The following RNF150 variants were observed in gnomAD, a reference collection of about 807,000 sequenced individuals.
The protein encoded by RNF150 is ring finger protein 150.
RNF150 carries 24 observed loss-of-function variants against 39.3 expected under a neutral mutation model. The ratio of observed to expected loss-of-function variants is 0.61; its 90% CI spans 0.44 to 0.86. The LOEUF (loss-of-function observed/expected upper bound fraction) is 0.86, where lower values mean the gene tolerates loss of function less well. Among genes scored for constraint, RNF150 ranks in the 40% least tolerant of loss-of-function variants. The probability of loss-of-function intolerance (pLI) is 0.00; values close to 1 mark genes in which losing one functional copy is unlikely to be tolerated. For missense variants in RNF150, 502 were observed against 587.8 expected (o/e 0.85, Z 1.51); for synonymous variants, 255 against 227.3 (o/e 1.12, Z -1.10).
chr4:141,181,135 A>G (rs1257036465), intron 1 of RNF150, among the ~76,000 whole-genome samples: 1 of 152,188 alleles, frequency 6.6e-6, no homozygotes, highest in Non-Finnish European at 1.5e-5. Context: ...TCATCAACTC[A>G]TAGCACATAA....
chr4:141,104,736 G>T (rs531747465), intron 1 of RNF150, among the ~76,000 whole-genome samples: 2 of 152,300 alleles, frequency 1.3e-5, no homozygotes, highest in African/African-American at 4.8e-5. Context: ...AAATGTATTT[G>T]CAATGGCATA....
intron 4 of RNF150, among the ~76,000 whole-genome samples, chr4:140,942,942 G>A (rs1374571186): frequency 6.6e-6 from 1 of 152,142 alleles, no homozygotes; most frequent in Non-Finnish European, 1.5e-5. Flanking sequence ...ATCAAACTAA[G>A]CATTTAAAGA....
intron 1 of RNF150, among the ~76,000 whole-genome samples, chr4:141,193,159 A>C (rs757162725): frequency 1.2e-4 from 18 of 152,254 alleles, no homozygotes; most frequent in Non-Finnish European, 2.2e-4. Context: ...AATGTAATGT[A>C]AGCTGTAAGG....
intron 1 of RNF150, among the ~76,000 whole-genome samples, chr4:141,196,012 A>C (rs944039605): frequency 6.6e-6 from 1 of 152,198 alleles, no homozygotes; most frequent in African/African-American, 2.4e-5. Context: ...CAAAATCCAA[A>C]GTGCTCCTTC....
intron 5 of RNF150, among the ~76,000 whole-genome samples, chr4:140,913,508 C>A (rs571276811): frequency 6.6e-6 from 1 of 152,272 alleles, no homozygotes; most frequent in South Asian, 2.1e-4. Context: ...TTTTTCCTAT[C>A]TCAAGGTCTC....
chr4:140,999,980 GAAGAAAAGAA>G (rs1734550206), intron 1 of RNF150, among the ~76,000 whole-genome samples: 1 of 25,306 alleles, frequency 4.0e-5, no homozygotes, highest in Non-Finnish European at 1.1e-4. Flanking sequence ...AAGAAGAAAA[GAAGAAAAGAA>G]GAAAAGAAGA....
chr4:141,000,007 AGAAGAAGAAGAAG>A (rs1560678910), intron 1 of RNF150, among the ~76,000 whole-genome samples: 1 of 35,334 alleles, frequency 2.8e-5, no homozygotes, highest in African/African-American at 9.4e-5. Context: ...AAGAAGAAGA[AGAAGAAGAAGAAG>A]AAGAAGAAGA....
intron 1 of RNF150, among the ~76,000 whole-genome samples, chr4:141,118,794 T>C (rs2111080754): frequency 6.6e-6 from 1 of 152,282 alleles, no homozygotes; most frequent in African/African-American, 2.4e-5. Context: ...AGAGTCTCAC[T>C]CTGTCGCCCA....
intron 1 of RNF150, among the ~76,000 whole-genome samples, chr4:141,181,715 G>A (rs976639494): frequency 3.3e-5 from 5 of 152,130 alleles, no homozygotes; most frequent in African/African-American, 1.2e-4. Context: ...AGAGTTTAGT[G>A]TTCAAATAAA....
At chr4:141,040,680 T>G (rs923465906) in intron 1 of RNF150, among the ~76,000 whole-genome samples, 1 of 152,184 alleles carries the variant, frequency 6.6e-6, no homozygotes. Flanking sequence ...TCTGGTCCTC[T>G]ACACATAAGT....
intron 1 of RNF150, among the ~76,000 whole-genome samples, chr4:140,990,209 C>A (rs192593786): frequency 9.9e-5 from 15 of 152,264 alleles, no homozygotes; most frequent in Admixed American, 5.2e-4. Context: ...GCCTGTACAA[C>A]CAGTGCAGAG....
chr4:140,946,747 C>T (rs2111370223), intron 4 of RNF150, among the ~76,000 whole-genome samples: 1 of 152,270 alleles, frequency 6.6e-6, no homozygotes, highest in Admixed American at 6.5e-5. Context: ...CTCAAGCGAT[C>T]CTCCTGTCTT....
At chr4:140,998,756 A>G (rs1734472891) in intron 1 of RNF150, among the ~76,000 whole-genome samples, 1 of 152,170 alleles carries the variant, frequency 6.6e-6, no homozygotes, top group Non-Finnish European at 1.5e-5. Flanking sequence ...CCTGACTGCA[A>G]CCTGCACCAT....
chr4:140,972,295 G>A (rs1733497780), intron 1 of RNF150, among the ~76,000 whole-genome samples: 1 of 151,884 alleles, frequency 6.6e-6, no homozygotes, highest in Non-Finnish European at 1.5e-5. Flanking sequence ...ACTACTTTTT[G>A]CATCAACAAG....
chr4:141,053,234 A>C (rs1260802806), intron 1 of RNF150, among the ~76,000 whole-genome samples: 5 of 152,206 alleles, frequency 3.3e-5, no homozygotes, highest in African/African-American at 1.2e-4. Context: ...TACTCGATAC[A>C]GATCACTGCT....
intron 1 of RNF150, among the ~76,000 whole-genome samples, chr4:141,050,810 T>C (rs1470897665): frequency 6.6e-6 from 1 of 152,194 alleles, no homozygotes. Context: ...GTGCACACTG[T>C]CAGTGCATCT....
intron 1 of RNF150, among the ~76,000 whole-genome samples, chr4:141,022,234 T>C (rs1735523290): frequency 6.6e-6 from 1 of 152,154 alleles, no homozygotes; most frequent in South Asian, 2.1e-4. Context: ...TATTCTTTTT[T>C]CCTGCAGGCT....
chr4:140,931,089 G>T (rs997597310), intron 4 of RNF150, among the ~76,000 whole-genome samples: 3 of 151,960 alleles, frequency 2.0e-5, no homozygotes, highest in African/African-American at 7.3e-5. Context: ...GGGAGAGAGA[G>T]AAGGGGCGGG....
chr4:141,016,030 TC>T (rs1297369512), intron 1 of RNF150, among the ~76,000 whole-genome samples: 1 of 152,174 alleles, frequency 6.6e-6, no homozygotes, highest in Non-Finnish European at 1.5e-5. Flanking sequence ...TCTCCTTGCT[TC>T]CAATGTTGTT....
Sources: allele counts gnomAD v4.1 joint callset (sites outside exome capture counted in the v4.1 genomes callset), GRCh38; gene constraint gnomAD v4.1.1; transcripts MANE v1.5; gene names NCBI Gene and HGNC (gene_info 2026-07-23, HGNC 2026-07-21).